The following SIL1 variants were observed in gnomAD, a reference collection of about 807,000 sequenced individuals.
The protein encoded by SIL1 is SIL1 nucleotide exchange factor, also known as nucleotide exchange factor SIL1.
SIL1 carries 40 observed loss-of-function variants against 49.1 expected under a neutral mutation model. That is an observed-to-expected ratio of 0.81 (90% CI 0.63 to 1.06). The LOEUF is 1.06. SIL1 is among the 50% of genes least tolerant of loss of function. The pLI is 0.00. For missense variants in SIL1, 500 were observed against 572.6 expected, an observed-to-expected ratio of 0.87 and a Z score of 1.29; for synonymous variants, 253 against 250.8, an observed-to-expected ratio of 1.01 and a Z score of -0.08.
intron 7 of SIL1, among the ~76,000 whole-genome samples, chr5:139,016,432 C>T (rs1408843805): frequency 6.6e-6 from 1 of 152,040 alleles, no homozygotes; most frequent in Non-Finnish European, 1.5e-5. Context: ...GAGTCATCCA[C>T]AGTGAGGTTG....
chr5:139,002,089 T>C (rs1317107597), intron 7 of SIL1, among the ~76,000 whole-genome samples: 1 of 151,820 alleles, frequency 6.6e-6, no homozygotes, highest in Non-Finnish European at 1.5e-5. Context: ...CACTCACCTG[T>C]AGTCCCAGCT....
At chr5:139,179,549 C>T (rs1426745008) in intron 1 of SIL1, among the ~76,000 whole-genome samples, 2 of 152,148 alleles carry the variant, frequency 1.3e-5, no homozygotes, top group Admixed American at 1.3e-4. Context: ...TCTCCTTACC[C>T]TTCTCTTATG....
chr5:139,011,066 C>T (rs1431386247), intron 7 of SIL1, among the ~76,000 whole-genome samples: 21 of 149,380 alleles, frequency 1.4e-4, no homozygotes, highest in East Asian at 6.0e-4. Flanking sequence ...CCCAGCCTCG[C>T]TGCCGCCTTG....
In SIL1 at chr5:138,946,934, A is replaced by AC. The variant is rs1766641484; in HGVS notation, c.*182dup. The AC allele has an allele frequency of 3.1e-6, 2 of 636,428 alleles. No individual in the cohort carries two copies. The highest frequency in any genetic ancestry group is 5.7e-6 in the Non-Finnish European group (2 of 350,426). The allele number at this position is 636,428 out of a possible 1,614,324, so 39.4% of individuals were successfully genotyped here. On this transcript the variant is annotated 3_prime_UTR_variant, in exon 10 of 10. Transcript: ENST00000394817. ...AGCCCATCACCCAACCACTCACCTG[A>AC]CCCCCCGGCCACAGGGCTGTGCCCA...
At chr5:139,115,693 C>T (rs1334594458) in intron 3 of SIL1, among the ~76,000 whole-genome samples, 1 of 152,160 alleles carries the variant, frequency 6.6e-6, no homozygotes, top group Non-Finnish European at 1.5e-5. Flanking sequence ...ACCCCCACTC[C>T]AATATCTTGC....
chr5:138,961,560 G>A (rs1485947408), intron 7 of SIL1, among the ~76,000 whole-genome samples: 4 of 151,666 alleles, frequency 2.6e-5, no homozygotes, highest in Non-Finnish European at 5.9e-5. Flanking sequence ...CTGCACAGGC[G>A]CCTTTGTTGT....
At chr5:139,068,230 G>C (rs1451167570) in intron 3 of SIL1, among the ~76,000 whole-genome samples, 3 of 152,192 alleles carry the variant, frequency 2.0e-5, no homozygotes, top group African/African-American at 7.2e-5. Flanking sequence ...AAGTGCAAAG[G>C]TATTGGGAAG....
chr5:138,969,032 C>G (rs1434796168), intron 7 of SIL1, among the ~76,000 whole-genome samples: 1 of 152,130 alleles, frequency 6.6e-6, no homozygotes, highest in South Asian at 2.1e-4. Context: ...TGGTCAATAA[C>G]CCCCTGAGGT....
chr5:139,019,625 CT>C (rs1379086899), intron 7 of SIL1, among the ~76,000 whole-genome samples: 1 of 152,160 alleles, frequency 6.6e-6, no homozygotes, highest in Non-Finnish European at 1.5e-5. Flanking sequence ...GGCACAGCCC[CT>C]GGGTGAGTTA....
intron 2 of SIL1, among the ~76,000 whole-genome samples, chr5:139,125,223 A>G (rs1750729681): frequency 6.6e-6 from 1 of 152,204 alleles, no homozygotes; most frequent in Non-Finnish European, 1.5e-5. Context: ...GTGCCTTCCC[A>G]GCTGGCTTCT....
intron 1 of SIL1, among the ~76,000 whole-genome samples, chr5:139,154,866 G>T (rs1018909555): frequency 1.3e-5 from 2 of 152,138 alleles, no homozygotes; most frequent in African/African-American, 4.8e-5. Flanking sequence ...GAAATAAATG[G>T]AGAGGAAGAA....
At chr5:139,101,443 T>C (rs1465787701) in intron 3 of SIL1, among the ~76,000 whole-genome samples, 1 of 152,230 alleles carries the variant, frequency 6.6e-6, no homozygotes, top group African/African-American at 2.4e-5. Context: ...CTACCAACGT[T>C]GAACTTAATG....
At chr5:138,980,310 G>C (rs1179569512) in intron 7 of SIL1, among the ~76,000 whole-genome samples, 1 of 152,200 alleles carries the variant, frequency 6.6e-6, no homozygotes, top group Non-Finnish European at 1.5e-5. Context: ...AGGGATCCTA[G>C]ACTTGACTGC....
rs775864418 is a variant in SIL1, at chr5:138,947,403, A to G, written c.1100T>C (p.Val367Ala). 6 of 1,613,498 alleles carry G rather than the reference A, an allele frequency of 3.7e-6. No individual in the cohort carries two copies. In the South Asian group the frequency reaches 5.5e-5, roughly 15 times the overall value. ...TTCCCACAGGCCTGGCAGGAGGTGT[A>G]CCTGGCGATACTGCTGCAGCTTCTC... ...SPEKLQQYRQ[V>A]HLLPGLWEQG... is the part of the protein sequence containing the mutation. Residue 367 changes from valine to alanine, a missense_variant, in exon 10 of 10, where the codon GTA becomes GCA. By Grantham distance (64) the Val-to-Ala change is moderately conservative. Coordinates refer to ENST00000394817, the MANE Select transcript of SIL1 (RefSeq NM_022464.5). The surrounding 1 kb of genome is among the most constrained non-coding windows in gnomAD (Gnocchi z 4.1).
intron 1 of SIL1, among the ~76,000 whole-genome samples, chr5:139,143,592 G>C (rs192566170): frequency 1.3e-4 from 19 of 151,630 alleles, no homozygotes; most frequent in African/African-American, 4.6e-4. Context: ...GGCTGGTCTC[G>C]AACTCCTGAC....
At chr5:139,033,332 G>C (rs1768833653) in intron 5 of SIL1, among the ~76,000 whole-genome samples, 1 of 151,708 alleles carries the variant, frequency 6.6e-6, no homozygotes, top group Admixed American at 6.6e-5. Context: ...TCACCTTTTG[G>C]TTTCACTGAT....
intron 2 of SIL1, among the ~76,000 whole-genome samples, chr5:139,121,972 C>G (rs1269662453): frequency 1.3e-5 from 2 of 152,068 alleles, no homozygotes; most frequent in Admixed American, 6.5e-5. Context: ...TTTTTAAACC[C>G]GTTCTTGCAA....
At chr5:139,193,711 G>A (rs1752216139) in intron 1 of SIL1, among the ~76,000 whole-genome samples, 1 of 152,208 alleles carries the variant, frequency 6.6e-6, no homozygotes, top group Non-Finnish European at 1.5e-5. Context: ...TCATTAACTT[G>A]TATAATGGTC....
At chr5:139,173,169 A>G (rs1751809729) in intron 1 of SIL1, among the ~76,000 whole-genome samples, 1 of 152,230 alleles carries the variant, frequency 6.6e-6, no homozygotes, top group African/African-American at 2.4e-5. Flanking sequence ...TTAAGCTATT[A>G]TAAATTCAAA....
Sources: allele counts gnomAD v4.1 joint callset (sites outside exome capture counted in the v4.1 genomes callset), GRCh38; gene constraint gnomAD v4.1.1; non-coding constraint Gnocchi (gnomAD v3.1); transcripts MANE v1.5; gene names NCBI Gene and HGNC (gene_info 2026-07-23, HGNC 2026-07-21).